Variants in DNASE1L3 observed in about 807,000 individuals in gnomAD.
DNASE1L3 encodes the protein deoxyribonuclease gamma.
In DNASE1L3, 27 loss-of-function variants were observed where a neutral mutation model predicts 30.9. The observed-to-expected ratio is 0.87, with a 90% CI of 0.64 to 1.20. The LOEUF is 1.20. Ranked by LOEUF, DNASE1L3 falls within the 50% of genes most tolerant of loss-of-function variation. DNASE1L3 has a pLI of 0.00. For missense variants in DNASE1L3, 364 were observed against 378.2 expected, an observed-to-expected ratio of 0.96 and a Z score of 0.31; for synonymous variants, 135 against 138.0, an observed-to-expected ratio of 0.98 and a Z score of 0.15.
At position 58,193,402 on chromosome 3, in the gene DNASE1L3, C is replaced by T; in HGVS notation, c.742G>A (p.Val248Ile). The part of the protein sequence containing the change: ...LRGQEIVSSV[V>I]PKSNSVFDFQ... ...TCAAAAACACTGTTTGACTTGGGAA[C>T]AACAGAACTGACGATTTCTTGTCCT... The change falls in exon 7 of 8, where the codon GTT becomes ATT. Residue 248 changes from valine to isoleucine, a missense_variant. By Grantham distance (29) the Val-to-Ile change is conservative. Coordinates refer to ENST00000394549, the MANE Select transcript of DNASE1L3 (RefSeq NM_004944.4). 6.2e-7 allele frequency: 1 copy of T among 1,614,050 alleles called. No homozygotes were observed. Among genetic ancestry groups the T allele is most frequent in the Non-Finnish European group, 8.5e-7 (1 of 1,179,964 alleles).
At chr3:58,196,492 G>A (rs1180704894) in intron 6 of DNASE1L3, among the ~76,000 whole-genome samples, 1 of 146,996 alleles carries the variant, frequency 6.8e-6, no homozygotes, top group East Asian at 2.0e-4. Flanking sequence ...GGCGGAGCTT[G>A]CAGTGAGCCG....
chr3:58,202,124 T>G (rs976359124), intron 4 of DNASE1L3, among the ~76,000 whole-genome samples: 1 of 151,730 alleles, frequency 6.6e-6, no homozygotes, highest in Non-Finnish European at 1.5e-5. Context: ...TATGGTTGTA[T>G]TTTCTTCTTT....
At chr3:58,202,522 A>G (rs1016323951) in intron 4 of DNASE1L3, among the ~76,000 whole-genome samples, 10 of 151,692 alleles carry the variant, frequency 6.6e-5, no homozygotes, top group African/African-American at 2.4e-4. Context: ...CTGGGATTAC[A>G]GGCATGAGCC....
intron 1 of DNASE1L3, 45 bp from the exon 2 acceptor site, chr3:58,208,351 G>A (rs2097405423): frequency 1.3e-6 from 2 of 1,592,044 alleles, no homozygotes; most frequent in Non-Finnish European, 8.6e-7. Context: ...ATTTACCACA[G>A]ATAAATAAAA....
chr3:58,200,251 A>T lies in DNASE1L3; in HGVS notation c.546+746T>A, dbSNP rs935049443. Reference sequence around the variant, plus strand: ...CAGATTTAGTCAATCAGAGTAGCTCAACACCCTGATCACAATGATTGGTTC... The same window carrying T: ...CAGATTTAGTCAATCAGAGTAGCTCTACACCCTGATCACAATGATTGGTTC... On this transcript the variant is annotated intron_variant, in intron 5 of 7. Coordinates refer to ENST00000394549, the MANE Select transcript of DNASE1L3 (RefSeq NM_004944.4). This position sits in a 1 kb window ranked among gnomAD's most constrained non-coding sequence, Gnocchi z 4.2. Among the ~76,000 whole-genome samples the T allele has an allele frequency of 6.6e-6, 1 of 152,184 alleles. No homozygotes were observed. The highest frequency in any genetic ancestry group is 1.5e-5 in the Non-Finnish European group (1 of 68,038).
chr3:58,204,307 ATT>A (rs1050171108), intron 4 of DNASE1L3, among the ~76,000 whole-genome samples: 2 of 151,662 alleles, frequency 1.3e-5, no homozygotes, highest in Non-Finnish European at 2.9e-5. Context: ...TGCCCAGCTA[ATT>A]TTTGTATTTT....
chr3:58,209,801 G>T (rs1045776222), intron 1 of DNASE1L3, among the ~76,000 whole-genome samples: 1 of 152,174 alleles, frequency 6.6e-6, no homozygotes, highest in Admixed American at 6.5e-5. Flanking sequence ...TCACAAGTCT[G>T]GTAGGTGGAA....
At chr3:58,206,666 CA>C (rs1411654307) in intron 2 of DNASE1L3, among the ~76,000 whole-genome samples, 3 of 152,132 alleles carry the variant, frequency 2.0e-5, no homozygotes, top group Admixed American at 2.0e-4. Flanking sequence ...AGACTCGCCC[CA>C]GACTGACTGT....
intron 6 of DNASE1L3, among the ~76,000 whole-genome samples, chr3:58,195,144 C>G (rs1194977529): frequency 6.6e-6 from 1 of 152,220 alleles, no homozygotes; most frequent in Non-Finnish European, 1.5e-5. Flanking sequence ...CATGTTCCCC[C>G]AGCACTCAGC....
chr3:58,192,678 C>T lies in DNASE1L3; in HGVS notation c.*9G>A, dbSNP rs757098263. The T allele has an allele frequency of 2.3e-5, 37 of 1,611,574 alleles. No homozygotes were observed. The highest frequency in any genetic ancestry group is 5.1e-6 in the Non-Finnish European group (6 of 1,179,212). On this transcript the variant is annotated 3_prime_UTR_variant, in exon 8 of 8. Transcript: ENST00000394549. The surrounding 1 kb of genome is among the most constrained non-coding windows in gnomAD (Gnocchi z 4.8). ...GCAAGAAATGGTTAATAAGATGAGA[C>T]CCTTGGGTCTAGGAGCGTTTGCTCT...
chr3:58,208,928 C>T (rs1341177787), intron 1 of DNASE1L3, among the ~76,000 whole-genome samples: 1 of 152,060 alleles, frequency 6.6e-6, no homozygotes, highest in African/African-American at 2.4e-5. Flanking sequence ...CTACAAAGCC[C>T]ACCATGTTGA....
At chr3:58,205,670 G>A (rs2097403438) in intron 2 of DNASE1L3, 110 bp from the exon 3 acceptor site, 2 of 872,834 alleles carry the variant, frequency 2.3e-6, no homozygotes, top group Non-Finnish European at 3.7e-6. Flanking sequence ...CATGTGGAAG[G>A]GCCACTGTTC....
At chr3:58,202,368 G>C (rs1254673745) in intron 4 of DNASE1L3, among the ~76,000 whole-genome samples, 2 of 122,490 alleles carry the variant, frequency 1.6e-5, no homozygotes, top group Non-Finnish European at 3.2e-5. Flanking sequence ...TCTCCATGTT[G>C]GTCAGGCTGC....
At position 58,197,853 on chromosome 3, in the gene DNASE1L3, C is replaced by A; in HGVS notation, c.672G>T (p.Thr224=). 1 of 1,614,134 alleles carries A rather than the reference C, an allele frequency of 6.2e-7. No homozygotes were observed. The highest frequency in any genetic ancestry group is 8.5e-7 in the Non-Finnish European group (1 of 1,180,042). Reference sequence around the variant, plus strand: ...ATGCACAGTTGGTGCTCTTCTTCACCGTGGTGTCCTCTTGGTCCCCGATCA... The same window carrying A: ...ATGCACAGTTGGTGCTCTTCTTCACAGTGGTGTCCTCTTGGTCCCCGATCA... ...VWLIGDQEDT[T]VKKSTNCAYD... The change falls in exon 6 of 8, where the codon ACG becomes ACT. Residue 224 remains threonine (T), a synonymous_variant. Transcript: ENST00000394549. This position sits in a 1 kb window ranked among gnomAD's most constrained non-coding sequence, Gnocchi z 5.3.
chr3:58,200,187 C>G lies in DNASE1L3; in HGVS notation c.546+810G>C, dbSNP rs2107373084. The stretch of plus-strand genomic sequence containing the variant: ...CTTTGGGAGACCACCCATCCCTCCT[C>G]CACCTCAAACTGAGTTTGGGGTGGA... On this transcript the variant is annotated intron_variant, in intron 5 of 7. Transcript: ENST00000394549. The surrounding 1 kb of genome is among the most constrained non-coding windows in gnomAD (Gnocchi z 4.2). Among the ~76,000 whole-genome samples, 1 of 152,308 alleles carries G rather than the reference C, an allele frequency of 6.6e-6. No homozygotes were observed. The highest frequency in any genetic ancestry group is 2.4e-5 in the African/African-American group (1 of 41,566).
chr3:58,194,968 G>A (rs775435561), intron 6 of DNASE1L3, among the ~76,000 whole-genome samples: 4 of 152,136 alleles, frequency 2.6e-5, no homozygotes, highest in Admixed American at 1.3e-4. Context: ...TAAATTCTTC[G>A]CATCAAGTTA....
Position 58,197,874 on chromosome 3 carries a change from G to C in DNASE1L3, c.651C>G (p.Ile217Met), listed in dbSNP as rs768188569. ...TCACCGTGGTGTCCTCTTGGTCCCC[G>C]ATCAGCCAAACAAACCTGGGGTCAG... ...LRTDPRFVWL[I>M]GDQEDTTVKK... is the part of the protein sequence containing the mutation. The change falls in exon 6 of 8, where the codon ATC (isoleucine) becomes ATG (methionine). Residue 217 changes from isoleucine (I) to methionine (M), a missense_variant. By Grantham distance (10) the Ile-to-Met change is conservative. Transcript: ENST00000394549. This position sits in a 1 kb window ranked among gnomAD's most constrained non-coding sequence, Gnocchi z 5.3. The C allele has an allele frequency of 1.2e-6, 2 of 1,614,126 alleles. No individual in the cohort carries two copies. Among genetic ancestry groups the C allele is most frequent in the East Asian group, 2.2e-5 (1 of 44,890 alleles).
chr3:58,209,514 G>A (rs2107383359), intron 1 of DNASE1L3, among the ~76,000 whole-genome samples: 1 of 152,302 alleles, frequency 6.6e-6, no homozygotes, highest in Non-Finnish European at 1.5e-5. Context: ...ACACCATCTA[G>A]AAGGCCTTGG....
At chr3:58,198,129 C>T in intron 5 of DNASE1L3, 151 bp from the exon 6 acceptor site, 1 of 853,560 alleles carries the variant, frequency 1.2e-6, no homozygotes, top group Non-Finnish European at 1.7e-6. Context: ...CCCGCCCCGG[C>T]CAAATTCCTA....
Sources: allele counts gnomAD v4.1 joint callset (sites outside exome capture counted in the v4.1 genomes callset), GRCh38; gene constraint gnomAD v4.1.1; non-coding constraint Gnocchi (gnomAD v3.1); transcripts MANE v1.5; gene names NCBI Gene and HGNC (gene_info 2026-07-23, HGNC 2026-07-21).